CCSER1: variants seen among roughly 807,000 people sequenced by gnomAD.
CCSER1 encodes the protein coiled-coil serine rich protein 1.
Under a neutral mutation model 82.0 loss-of-function variants are expected in CCSER1, and 41 were observed. The observed-to-expected ratio is 0.50, with a 90% CI of 0.39 to 0.65. The LOEUF is 0.65. CCSER1 is among the 30% of genes least tolerant of loss of function. The pLI, the probability that CCSER1 is intolerant of heterozygous loss-of-function variation, is 0.00. For synonymous variants in CCSER1, 414 were observed against 383.9 expected (o/e 1.08, Z -0.92); for missense variants, 1,119 against 1,064.2 (o/e 1.05, Z -0.72).
intron 10 of CCSER1, among the ~76,000 whole-genome samples, chr4:91,560,335 T>G (rs1296627653): frequency 6.6e-6 from 1 of 151,530 alleles, no homozygotes; most frequent in African/African-American, 2.4e-5. Context: ...ATATACTTTG[T>G]TTTTCCTTTT....
At position 90,278,300 on chromosome 4, in the gene CCSER1, C is replaced by T. The variant is rs528422083; in HGVS notation, c.-41-29944C>T. 2.6e-5 allele frequency among the ~76,000 whole-genome samples: 4 copies of T among 152,190 alleles called. No homozygotes were observed. In the South Asian group the frequency reaches 6.2e-4, roughly 24 times the overall value. Reference sequence around the variant, plus strand: ...CTCAAAGTACTAAGTGTTGAACTACCATTCAACCCAGCAATCCCATTACTG... The same window carrying T: ...CTCAAAGTACTAAGTGTTGAACTACTATTCAACCCAGCAATCCCATTACTG... On this transcript the variant is annotated intron_variant, in intron 1 of 10. Coordinates refer to ENST00000509176, the MANE Select transcript of CCSER1 (RefSeq NM_001145065.2).
At chr4:90,928,578 T>G (rs1729348095) in intron 9 of CCSER1, among the ~76,000 whole-genome samples, 1 of 152,064 alleles carries the variant, frequency 6.6e-6, no homozygotes. Flanking sequence ...GAAAGCAATG[T>G]GAAAAATAAA....
intron 1 of CCSER1, among the ~76,000 whole-genome samples, chr4:90,210,237 T>G (rs941226121): frequency 5.3e-5 from 8 of 152,328 alleles, no homozygotes; most frequent in Admixed American, 2.6e-4. Flanking sequence ...TATGATCTTT[T>G]CAGTTTACAC....
At chr4:90,840,216 C>T (rs576582176) in intron 8 of CCSER1, among the ~76,000 whole-genome samples, 19 of 152,046 alleles carry the variant, frequency 1.2e-4, no homozygotes, top group African/African-American at 4.6e-4. Context: ...AATAGTTCTA[C>T]CAATATCTAA....
intron 1 of CCSER1, among the ~76,000 whole-genome samples, chr4:90,187,741 T>G (rs955348364): frequency 1.3e-5 from 2 of 151,926 alleles, no homozygotes; most frequent in African/African-American, 2.4e-5. Flanking sequence ...TAAATATGAG[T>G]AAACACCACA....
chr4:91,188,246 T>C (rs1734727458), intron 10 of CCSER1, among the ~76,000 whole-genome samples: 2 of 152,182 alleles, frequency 1.3e-5, no homozygotes, highest in African/African-American at 2.4e-5. Flanking sequence ...TTATAGGACT[T>C]ACCAATGTCT....
intron 10 of CCSER1, among the ~76,000 whole-genome samples, chr4:91,498,276 G>C (rs1453907350): frequency 6.6e-6 from 1 of 151,902 alleles, no homozygotes; most frequent in Non-Finnish European, 1.5e-5. Flanking sequence ...AAGTAATTCA[G>C]TAATTTTTGC....
intron 1 of CCSER1, among the ~76,000 whole-genome samples, chr4:90,144,379 T>G (rs906093997): frequency 9.2e-5 from 14 of 152,168 alleles, no homozygotes; most frequent in African/African-American, 3.4e-4. Flanking sequence ...AAGTAAAATA[T>G]CATTAAGTCA....
At chr4:90,904,659 C>A (rs1481029601) in intron 8 of CCSER1, among the ~76,000 whole-genome samples, 1 of 151,958 alleles carries the variant, frequency 6.6e-6, no homozygotes, top group African/African-American at 2.4e-5. Flanking sequence ...GTGACGGGAG[C>A]AATAAGGGGG....
chr4:91,191,828 T>C (rs1467179076), intron 10 of CCSER1, among the ~76,000 whole-genome samples: 1 of 152,210 alleles, frequency 6.6e-6, no homozygotes, highest in Admixed American at 6.5e-5. Flanking sequence ...TACCCAGTCT[T>C]TTCAATTCTG....
At chr4:91,576,484 G>A (rs1004798080) in intron 10 of CCSER1, among the ~76,000 whole-genome samples, 1 of 151,978 alleles carries the variant, frequency 6.6e-6, no homozygotes, top group Non-Finnish European at 1.5e-5. Flanking sequence ...GCATACCCTA[G>A]TGACTATGTT....
intron 1 of CCSER1, 141 bp from the exon 2 acceptor site, chr4:90,308,103 T>G: frequency 1.8e-6 from 1 of 558,656 alleles, no homozygotes; most frequent in Non-Finnish European, 2.9e-6. Flanking sequence ...AAATCTTTAT[T>G]AGGTATCAGA....
chr4:91,182,117 G>T (rs927686196), intron 10 of CCSER1, among the ~76,000 whole-genome samples: 2 of 152,116 alleles, frequency 1.3e-5, no homozygotes, highest in Non-Finnish European at 2.9e-5. Context: ...TGTGTTCGAT[G>T]GGTGTTGCTC....
At chr4:90,128,516 T>TGTGTGTGTGTGTGTGC (rs994567297) in intron 1 of CCSER1, among the ~76,000 whole-genome samples, 56 of 128,588 alleles carry the variant, frequency 4.4e-4, no homozygotes, top group African/African-American at 1.7e-3. Context: ...TGTGTGTGTG[T>TGTGTGTGTGTGTGTGC]GCGCGCGCGC....
intron 4 of CCSER1, among the ~76,000 whole-genome samples, chr4:90,409,166 A>C (rs1292867016): frequency 6.6e-6 from 1 of 152,232 alleles, no homozygotes; most frequent in Non-Finnish European, 1.5e-5. Flanking sequence ...GGTGTACCTG[A>C]AAGTGACAGG....
chr4:90,562,420 A>G (rs971905278), intron 5 of CCSER1, among the ~76,000 whole-genome samples: 45 of 152,184 alleles, frequency 3.0e-4, no homozygotes, highest in African/African-American at 1.1e-3. Context: ...AATAAAAGGG[A>G]AAACACATAG....
intron 10 of CCSER1, among the ~76,000 whole-genome samples, chr4:91,465,799 C>T (rs1490560778): frequency 1.3e-5 from 2 of 152,108 alleles, no homozygotes; most frequent in African/African-American, 4.8e-5. Context: ...CAAGACTAAA[C>T]CAGGAAGAAG....
chr4:90,301,057 C>A (rs1053475190), intron 1 of CCSER1, among the ~76,000 whole-genome samples: 3 of 152,012 alleles, frequency 2.0e-5, no homozygotes, highest in Admixed American at 2.0e-4. Flanking sequence ...TGGTCTCCAA[C>A]CCCTGGGCTC....
At chr4:91,050,735 G>C (rs1272153373) in intron 9 of CCSER1, among the ~76,000 whole-genome samples, 2 of 152,146 alleles carry the variant, frequency 1.3e-5, no homozygotes, top group Non-Finnish European at 2.9e-5. Context: ...AGAAGACAAA[G>C]CATCAGAGGC....
Sources: gnomAD v4.1 joint callset for allele counts (sites outside exome capture counted in the v4.1 genomes callset) on GRCh38, gnomAD v4.1.1 for gene constraint, MANE v1.5 for transcripts, NCBI Gene and HGNC (gene_info 2026-07-23, HGNC 2026-07-21) for gene names.